Variants in TSHZ2 observed in about 807,000 individuals in gnomAD.
TSHZ2 encodes the protein teashirt homolog 2.
In TSHZ2, 21 loss-of-function variants were observed where a neutral mutation model predicts 74.4. The observed-to-expected ratio is 0.28, with a 90% CI of 0.20 to 0.41. The LOEUF is 0.41. TSHZ2 is among the 10% of genes least tolerant of loss of function. The pLI is 1.00. For missense variants in TSHZ2, 1,244 were observed against 1,293.5 expected (o/e 0.96, Z 0.59); for synonymous variants, 540 against 515.3 (o/e 1.05, Z -0.65).
chr20:53,231,771 T>A (rs1989829829), intron 1 of TSHZ2, among the ~76,000 whole-genome samples: 1 of 152,194 alleles, frequency 6.6e-6, no homozygotes, highest in Non-Finnish European at 1.5e-5. Flanking sequence ...TATTTGTTGC[T>A]CACCTGTCGC....
intron 1 of TSHZ2, among the ~76,000 whole-genome samples, chr20:53,186,526 A>G (rs76233300): frequency 0.022 from 3,293 of 152,308 alleles, 47 homozygotes; most frequent in South Asian, 0.05. Flanking sequence ...AGAAAACTCT[A>G]TATGTGCTCA....
intron 1 of TSHZ2, among the ~76,000 whole-genome samples, chr20:53,231,986 G>A (rs1369189248): frequency 4.6e-5 from 7 of 152,172 alleles, no homozygotes; most frequent in Non-Finnish European, 1.0e-4. Context: ...CTGGGCTCAA[G>A]CCATCCTCCC....
chr20:53,419,820 C>T (rs946063025), intron 2 of TSHZ2, among the ~76,000 whole-genome samples: 2 of 152,234 alleles, frequency 1.3e-5, no homozygotes, highest in Non-Finnish European at 2.9e-5. Flanking sequence ...GAAGGGGCAG[C>T]TCATTCTGTT....
chr20:53,389,270 T>C (rs2145655126), intron 2 of TSHZ2, among the ~76,000 whole-genome samples: 1 of 152,370 alleles, frequency 6.6e-6, no homozygotes. Context: ...ATATCATTCA[T>C]ACCACATTCA....
intron 1 of TSHZ2, among the ~76,000 whole-genome samples, chr20:53,173,541 G>T (rs1424096744): frequency 1.3e-5 from 2 of 152,212 alleles, no homozygotes; most frequent in Non-Finnish European, 2.9e-5. Flanking sequence ...CCGGGGGGCA[G>T]AGGTTGCAGT....
At chr20:53,123,779 A>G (rs1460514010) in intron 1 of TSHZ2, among the ~76,000 whole-genome samples, 1 of 152,164 alleles carries the variant, frequency 6.6e-6, no homozygotes, top group Admixed American at 6.5e-5. Flanking sequence ...AAGCTGGAAG[A>G]ATGAAACAAT....
At chr20:52,980,427 G>GAA (rs113944689) in intron 1 of TSHZ2, among the ~76,000 whole-genome samples, 1 of 119,842 alleles carries the variant, frequency 8.3e-6, no homozygotes, top group Non-Finnish European at 1.8e-5. Flanking sequence ...TGGGTTTGAA[G>GAA]AAAAAAAAAA....
chr20:53,303,383 C>G (rs1426331025), intron 2 of TSHZ2, among the ~76,000 whole-genome samples: 2 of 152,140 alleles, frequency 1.3e-5, no homozygotes, highest in African/African-American at 2.4e-5. Context: ...GTTTAAAAAG[C>G]CTTCATTTAA....
In TSHZ2 at chr20:53,003,679, G is replaced by C. The variant is rs557105558; in HGVS notation, c.40+30346G>C. 3.3e-5 allele frequency among the ~76,000 whole-genome samples: 5 copies of C among 152,200 alleles called. No homozygotes were observed. In the East Asian group the frequency reaches 9.7e-4, roughly 29 times the overall value. ...AGGCATACTTAATCAAAATGTCTCC[G>C]GGTAATGGCTGTGAAGAGTTCATGA... On this transcript the variant is annotated intron_variant, in intron 1 of 2. Coordinates refer to ENST00000371497, the MANE Select transcript of TSHZ2 (RefSeq NM_173485.6).
At chr20:53,111,053 A>C (rs1041501854) in intron 1 of TSHZ2, among the ~76,000 whole-genome samples, 5 of 152,198 alleles carry the variant, frequency 3.3e-5, no homozygotes, top group Admixed American at 2.6e-4. Flanking sequence ...GAACACAGGG[A>C]AAGAGGAAGA....
chr20:53,263,327 A>G (rs6126801), intron 2 of TSHZ2, among the ~76,000 whole-genome samples: 5,213 of 152,266 alleles, frequency 0.034, 240 homozygotes, highest in East Asian at 0.26. Flanking sequence ...ATTCAGCATC[A>G]AGACTGTTGA....
intron 1 of TSHZ2, among the ~76,000 whole-genome samples, chr20:53,164,583 C>T (rs1262147889): frequency 1.3e-5 from 2 of 152,182 alleles, no homozygotes; most frequent in African/African-American, 2.4e-5. Context: ...TCTGTGGCTG[C>T]TGGGCCCTGT....
rs539758687 is a variant in TSHZ2, at chr20:53,145,703, T to G, written c.41-107796T>G. ...ATTGCTTGGAAGCTTCTAGGGGCAT[T>G]ATTCTCCAGCATTTCCAGCTTGCCC... On this transcript the variant is annotated intron_variant, in intron 1 of 2. Transcript: ENST00000371497. 4.3e-4 allele frequency among the ~76,000 whole-genome samples: 66 copies of G among 152,316 alleles called. 2 individuals are homozygous for G. The highest frequency in any genetic ancestry group is 1.5e-3 in the African/African-American group (61 of 41,576).
At chr20:53,077,667 G>A (rs1985409771) in intron 1 of TSHZ2, among the ~76,000 whole-genome samples, 1 of 152,214 alleles carries the variant, frequency 6.6e-6, no homozygotes, top group African/African-American at 2.4e-5. Flanking sequence ...AGACAGGGTA[G>A]TGGAGGTATC....
intron 1 of TSHZ2, among the ~76,000 whole-genome samples, chr20:53,116,743 G>A (rs538327642): frequency 6.6e-4 from 100 of 152,280 alleles, no homozygotes; most frequent in South Asian, 1.5e-3. Flanking sequence ...CCTCCCAAAT[G>A]TTTGTTTAGT....
chr20:53,310,388 T>C (rs770085140), intron 2 of TSHZ2, among the ~76,000 whole-genome samples: 21 of 152,184 alleles, frequency 1.4e-4, no homozygotes, highest in Non-Finnish European at 2.6e-4. Flanking sequence ...ATAATGCGTG[T>C]ATTTGTAGTC....
chr20:53,282,636 C>T (rs552071046), intron 2 of TSHZ2, among the ~76,000 whole-genome samples: 1 of 152,302 alleles, frequency 6.6e-6, no homozygotes, highest in South Asian at 2.1e-4. Context: ...CTGAGGGTGA[C>T]CATGACTGAC....
intron 2 of TSHZ2, among the ~76,000 whole-genome samples, chr20:53,360,251 CAT>C (rs1347791928): frequency 1.3e-5 from 2 of 152,146 alleles, no homozygotes; most frequent in African/African-American, 4.8e-5. Context: ...TATAAGACAG[CAT>C]ATGTCATTTT....
chr20:53,314,681 G>T (rs1472754512), intron 2 of TSHZ2, among the ~76,000 whole-genome samples: 1 of 149,888 alleles, frequency 6.7e-6, no homozygotes, highest in African/African-American at 2.5e-5. Flanking sequence ...AAGTGTAGTG[G>T]CATGATCTCA....
Sources: allele counts gnomAD v4.1 joint callset (sites outside exome capture counted in the v4.1 genomes callset), GRCh38; gene constraint gnomAD v4.1.1; transcripts MANE v1.5; gene names NCBI Gene and HGNC (gene_info 2026-07-23, HGNC 2026-07-21).